RIMS2: variants seen among roughly 807,000 people sequenced by gnomAD.
RIMS2 encodes regulating synaptic membrane exocytosis 2.
RIMS2 carries 59 observed loss-of-function variants against 174.4 expected under a neutral mutation model. That is an observed-to-expected ratio of 0.34 (90% CI 0.27 to 0.42). The LOEUF (loss-of-function observed/expected upper bound fraction) is 0.42. Among genes scored for constraint, RIMS2 ranks in the 10% least tolerant of loss-of-function variants. RIMS2 has a pLI of 1.00. For missense variants in RIMS2, 1,620 were observed against 1,666.3 expected (o/e 0.97, Z 0.48); for synonymous variants, 606 against 572.5 (o/e 1.06, Z -0.84).
chr8:103,600,932 TTC>T (rs1284227062), intron 1 of RIMS2, among the ~76,000 whole-genome samples: 1 of 152,250 alleles, frequency 6.6e-6, no homozygotes, highest in Non-Finnish European at 1.5e-5. Context: ...TGATTTGTAT[TTC>T]TCTGATGAAT....
At chr8:103,662,486 G>A (rs1328394753) in intron 1 of RIMS2, among the ~76,000 whole-genome samples, 3 of 152,104 alleles carry the variant, frequency 2.0e-5, no homozygotes, top group Non-Finnish European at 4.4e-5. Flanking sequence ...ACTCTCCAAT[G>A]TCTTTTTCAA....
chr8:104,200,000 T>C (rs1252849121), intron 19 of RIMS2, among the ~76,000 whole-genome samples: 1 of 152,166 alleles, frequency 6.6e-6, no homozygotes, highest in Non-Finnish European at 1.5e-5. Context: ...TGAGTCAGAC[T>C]AGAAACCCTG....
At chr8:104,096,633 T>C (rs539737567) in intron 19 of RIMS2, among the ~76,000 whole-genome samples, 1 of 151,944 alleles carries the variant, frequency 6.6e-6, no homozygotes, top group East Asian at 1.9e-4. Flanking sequence ...ACTTTGGGAG[T>C]CTGAGGTGGG....
At chr8:103,635,358 A>C (rs1246666324) in intron 1 of RIMS2, among the ~76,000 whole-genome samples, 1 of 152,222 alleles carries the variant, frequency 6.6e-6, no homozygotes, top group Non-Finnish European at 1.5e-5. Context: ...GTTGGTACTG[A>C]CTGGATCCAT....
chr8:103,576,569 G>C (rs1464130743), intron 1 of RIMS2, among the ~76,000 whole-genome samples: 1 of 151,988 alleles, frequency 6.6e-6, no homozygotes, highest in Non-Finnish European at 1.5e-5. Flanking sequence ...GAATCTAAAT[G>C]ATCTCCAAGA....
rs149957616 is a variant in RIMS2, at chr8:103,857,477, G to A, written c.699-27821G>A. Among the ~76,000 whole-genome samples the A allele has an allele frequency of 1.5e-3, 221 of 151,814 alleles. 1 individual carries two copies. The highest frequency in any genetic ancestry group is 4.7e-3 in the African/African-American group (193 of 41,440). On this transcript the variant is annotated intron_variant, in intron 3 of 23. Transcript: ENST00000504942. Reference sequence around the variant, plus strand: ...TATTGTATTTATTTTAAAAGTCCTCGTTTATCAATTTTTTGGAGTTGTGAA... The same window carrying A: ...TATTGTATTTATTTTAAAAGTCCTCATTTATCAATTTTTTGGAGTTGTGAA...
chr8:104,108,804 C>T (rs1303194550), intron 19 of RIMS2, among the ~76,000 whole-genome samples: 2 of 152,130 alleles, frequency 1.3e-5, no homozygotes, highest in African/African-American at 4.8e-5. Flanking sequence ...ATTATTTACT[C>T]AGCTTTCTTT....
chr8:104,056,706 A>G (rs2096874826), intron 19 of RIMS2, among the ~76,000 whole-genome samples: 1 of 152,020 alleles, frequency 6.6e-6, no homozygotes, highest in South Asian at 2.1e-4. Flanking sequence ...ACATAGCGAT[A>G]CCTCGTCTCT....
At chr8:103,626,854 G>C (rs976840480) in intron 1 of RIMS2, among the ~76,000 whole-genome samples, 2 of 152,154 alleles carry the variant, frequency 1.3e-5, no homozygotes, top group Non-Finnish European at 2.9e-5. Context: ...CAGGAAGTAG[G>C]TCACAAGGAT....
intron 19 of RIMS2, among the ~76,000 whole-genome samples, chr8:104,228,081 T>G (rs190290985): frequency 6.7e-6 from 1 of 149,450 alleles, no homozygotes; most frequent in African/African-American, 2.5e-5. Context: ...CAGGCTGGAG[T>G]GCAGTGGTGC....
intron 1 of RIMS2, among the ~76,000 whole-genome samples, chr8:103,551,114 C>G (rs1270975065): frequency 6.6e-6 from 1 of 152,170 alleles, no homozygotes; most frequent in African/African-American, 2.4e-5. Flanking sequence ...CAGCATCATC[C>G]TGATACCAAA....
intron 3 of RIMS2, among the ~76,000 whole-genome samples, chr8:103,808,795 T>C (rs931939268): frequency 6.6e-6 from 1 of 152,174 alleles, no homozygotes; most frequent in Admixed American, 6.6e-5. Context: ...TTATGATCAC[T>C]TTAATCCAGG....
At chr8:103,575,979 G>A (rs1030692434) in intron 1 of RIMS2, among the ~76,000 whole-genome samples, 1 of 152,308 alleles carries the variant, frequency 6.6e-6, no homozygotes, top group Admixed American at 6.5e-5. Flanking sequence ...CAACCCAGGG[G>A]AAACATCAGG....
intron 19 of RIMS2, among the ~76,000 whole-genome samples, chr8:104,033,768 G>A (rs1184162191): frequency 6.6e-6 from 1 of 151,768 alleles, no homozygotes; most frequent in Non-Finnish European, 1.5e-5. Context: ...ATTCTTATCT[G>A]TTTGTTTCTA....
At chr8:103,737,187 T>TC (rs1318002343) in intron 2 of RIMS2, among the ~76,000 whole-genome samples, 3 of 132,328 alleles carry the variant, frequency 2.3e-5, no homozygotes, top group Non-Finnish European at 4.8e-5. Context: ...TTTTTTTTTT[T>TC]TTTTTTTTTT....
intron 1 of RIMS2, among the ~76,000 whole-genome samples, chr8:103,551,804 A>G (rs569006169): frequency 2.0e-4 from 30 of 152,298 alleles, no homozygotes; most frequent in African/African-American, 5.8e-4. Flanking sequence ...CTATAAACCA[A>G]TAACAGACAA....
chr8:103,769,923 G>T lies in RIMS2; in HGVS notation c.698+3386G>T, dbSNP rs143821906. ...ACAAAAATTACTTTTAGTCAGGAAA[G>T]AAGTTAGAGTTTAATATCAGATTTG... On this transcript the variant is annotated intron_variant, in intron 3 of 23. Coordinates refer to ENST00000504942, the Ensembl canonical transcript of RIMS2. Among the ~76,000 whole-genome samples, 20 of 152,314 alleles carry T rather than the reference G, an allele frequency of 1.3e-4. 1 individual carries two copies. Among genetic ancestry groups the T allele is most frequent in the Non-Finnish European group, 2.5e-4 (17 of 68,026 alleles).
At position 104,146,100 on chromosome 8, in the gene RIMS2, C is replaced by G. The variant is rs188582406; in HGVS notation, c.3335-98816C>G. Among the ~76,000 whole-genome samples the G allele has an allele frequency of 1.2e-3, 186 of 149,046 alleles. 1 individual carries two copies. In the East Asian group the frequency reaches 0.023, roughly 18 times the overall value. On this transcript the variant is annotated intron_variant, in intron 19 of 23. Transcript: ENST00000504942. Reference sequence around the variant, plus strand: ...CCCTTTTGGGCCAGGCTCGGTGGCTCAAGCCTGTAATCCCAGGACTTTGAG... The same window carrying G: ...CCCTTTTGGGCCAGGCTCGGTGGCTGAAGCCTGTAATCCCAGGACTTTGAG...
intron 19 of RIMS2, among the ~76,000 whole-genome samples, chr8:104,238,996 C>T (rs775174738): frequency 6.6e-6 from 1 of 152,106 alleles, no homozygotes; most frequent in Non-Finnish European, 1.5e-5. Context: ...ATTGAGAAAA[C>T]CCTGAATCCA....
Sources: allele counts gnomAD v4.1 joint callset (sites outside exome capture counted in the v4.1 genomes callset), GRCh38; gene constraint gnomAD v4.1.1; transcripts MANE v1.5; gene names NCBI Gene and HGNC (gene_info 2026-07-23, HGNC 2026-07-21).